STRN: variants seen among roughly 807,000 people sequenced by gnomAD.
STRN encodes protein phosphatase 2 regulatory subunit B'''alpha.
STRN carries 53 observed loss-of-function variants against 96.3 expected under a neutral mutation model. That is an observed-to-expected ratio of 0.55 (90% CI 0.44 to 0.69). The LOEUF (loss-of-function observed/expected upper bound fraction) is 0.69. Ranked by LOEUF, STRN falls within the 30% of genes least tolerant of loss-of-function variation. The probability of loss-of-function intolerance (pLI) is 0.00; values close to 1 mark genes in which losing one functional copy is unlikely to be tolerated. For missense variants in STRN, 987 were observed against 963.9 expected (o/e 1.02, Z -0.32); for synonymous variants, 428 against 355.9 (o/e 1.20, Z -2.28).
intron 13 of STRN, among the ~76,000 whole-genome samples, chr2:36,859,796 T>C (rs1184055976): frequency 1.3e-5 from 2 of 151,926 alleles, no homozygotes; most frequent in African/African-American, 2.4e-5. Context: ...AAGGATGGAG[T>C]TGTTAACAAT....
At chr2:36,909,852 T>C (rs958851693) in intron 3 of STRN, among the ~76,000 whole-genome samples, 2 of 151,974 alleles carry the variant, frequency 1.3e-5, no homozygotes, top group Non-Finnish European at 2.9e-5. Flanking sequence ...AGATATCTCA[T>C]CAGAAATAAT....
chr2:36,883,393 G>A (rs1194205793), intron 9 of STRN, among the ~76,000 whole-genome samples: 1 of 152,124 alleles, frequency 6.6e-6, no homozygotes, highest in Non-Finnish European at 1.5e-5. Context: ...GGAGGTGGAG[G>A]TTGTAGCGAG....
chr2:36,927,802 T>C (rs1260603158), intron 1 of STRN, among the ~76,000 whole-genome samples: 2 of 152,238 alleles, frequency 1.3e-5, no homozygotes, highest in Admixed American at 6.5e-5. Context: ...TTTCACTTTA[T>C]AGAGGACAAC....
intron 1 of STRN, among the ~76,000 whole-genome samples, chr2:36,935,715 G>C (rs1280157657): frequency 1.3e-5 from 2 of 152,112 alleles, no homozygotes. Flanking sequence ...AGACTCAACT[G>C]TTCCATCCCA....
chr2:36,854,697 T>A (rs1276361194), intron 15 of STRN, among the ~76,000 whole-genome samples: 1 of 152,186 alleles, frequency 6.6e-6, no homozygotes, highest in Non-Finnish European at 1.5e-5. Flanking sequence ...AAAGCAATGG[T>A]TAAGAAAGCC....
Position 36,902,771 on chromosome 2 carries a change from A to T in STRN, c.492-20T>A. The T allele has an allele frequency of 6.4e-7, 1 of 1,573,520 alleles. No individual in the cohort carries two copies. Among genetic ancestry groups the T allele is most frequent in the Non-Finnish European group, 8.6e-7 (1 of 1,157,456 alleles). ...AGATACCTGTGTGAAGAGAATCCTT[A>T]GAGTTCAGTCATACTGGAATCAGTA... On this transcript the variant is annotated intron_variant, in intron 4 of 17. Coordinates refer to ENST00000263918, the MANE Select transcript of STRN (RefSeq NM_003162.4).
intron 2 of STRN, among the ~76,000 whole-genome samples, chr2:36,918,886 C>T (rs542351771): frequency 1.3e-5 from 2 of 152,154 alleles, no homozygotes; most frequent in Non-Finnish European, 2.9e-5. Flanking sequence ...CTGTCTAATT[C>T]TGCCTATAAG....
At chr2:36,952,047 A>ACACG (rs755868203) in intron 1 of STRN, among the ~76,000 whole-genome samples, 17 of 152,270 alleles carry the variant, frequency 1.1e-4, no homozygotes, top group African/African-American at 2.6e-4. Context: ...CCGAAAATAC[A>ACACG]CACGCACGCA....
intron 3 of STRN, among the ~76,000 whole-genome samples, chr2:36,909,828 A>G (rs1417328153): frequency 6.6e-6 from 1 of 152,224 alleles, no homozygotes; most frequent in Non-Finnish European, 1.5e-5. Context: ...AGGAACAAAA[A>G]TAAGGGCAAC....
chr2:36,849,822 C>T, intron 16 of STRN, 22 bp from the exon 17 acceptor site: 2 of 1,610,092 alleles, frequency 1.2e-6, no homozygotes, highest in Non-Finnish European at 1.7e-6. Flanking sequence ...GAGATTGTTA[C>T]TCCTTATTAA....
intron 1 of STRN, among the ~76,000 whole-genome samples, chr2:36,950,589 T>C (rs541063584): frequency 2.1e-4 from 32 of 152,320 alleles, no homozygotes; most frequent in African/African-American, 7.5e-4. Flanking sequence ...TAAGAATTAC[T>C]GCTTGATTAT....
chr2:36,965,390 CCA>C (rs1469111350), intron 1 of STRN, among the ~76,000 whole-genome samples: 3 of 152,146 alleles, frequency 2.0e-5, no homozygotes, highest in African/African-American at 4.8e-5. Context: ...TTTTCAGAGC[CCA>C]CAGTTATCTC....
At chr2:36,955,132 A>G (rs776101409) in intron 1 of STRN, among the ~76,000 whole-genome samples, 1 of 152,220 alleles carries the variant, frequency 6.6e-6, no homozygotes, top group Non-Finnish European at 1.5e-5. Flanking sequence ...TGGCTCCTTC[A>G]GGTCAGAAGC....
At chr2:36,906,709 T>A (rs1473461362) in intron 3 of STRN, among the ~76,000 whole-genome samples, 2 of 150,566 alleles carry the variant, frequency 1.3e-5, no homozygotes. Context: ...GTGGATCACT[T>A]GAGGTCAGGA....
chr2:36,939,191 A>G (rs1478988653), intron 1 of STRN, among the ~76,000 whole-genome samples: 1 of 152,076 alleles, frequency 6.6e-6, no homozygotes, highest in East Asian at 1.9e-4. Context: ...TCGGCCTCCC[A>G]AAGTGCTAGG....
intron 10 of STRN, among the ~76,000 whole-genome samples, chr2:36,874,719 A>T (rs1263424376): frequency 5.7e-5 from 6 of 106,018 alleles, no homozygotes; most frequent in African/African-American, 1.5e-4. Context: ...TTTAGAGTTA[A>T]AAAAAAAAAA....
At chr2:36,956,156 C>T (rs570029769) in intron 1 of STRN, among the ~76,000 whole-genome samples, 7 of 152,286 alleles carry the variant, frequency 4.6e-5, no homozygotes, top group African/African-American at 1.7e-4. Context: ...ATAAACGGAT[C>T]ACTGAAACTG....
chr2:36,918,507 T>C (rs1297383971), intron 2 of STRN, among the ~76,000 whole-genome samples: 1 of 151,984 alleles, frequency 6.6e-6, no homozygotes, highest in Non-Finnish European at 1.5e-5. Flanking sequence ...TACTGCATTA[T>C]AGTGCATTCT....
chr2:36,946,022 T>C (rs1005515560), intron 1 of STRN, among the ~76,000 whole-genome samples: 2 of 152,064 alleles, frequency 1.3e-5, no homozygotes, highest in East Asian at 1.9e-4. Flanking sequence ...CTAGAGTTAA[T>C]AGCCAATACT....
Sources: gnomAD v4.1 joint callset for allele counts (sites outside exome capture counted in the v4.1 genomes callset) on GRCh38, gnomAD v4.1.1 for gene constraint, MANE v1.5 for transcripts, NCBI Gene and HGNC (gene_info 2026-07-23, HGNC 2026-07-21) for gene names.